Variants in BTAF1 observed in about 807,000 individuals in gnomAD.
BTAF1 encodes the protein TATA-binding protein-associated factor 172.
Under a neutral mutation model 227.1 loss-of-function variants are expected in BTAF1, and 38 were observed. That is an observed-to-expected ratio of 0.17 (90% CI 0.13 to 0.22). The LOEUF (loss-of-function observed/expected upper bound fraction) is 0.22, where lower values mean the gene tolerates loss of function less well. Ranked by LOEUF, BTAF1 falls within the 10% of genes least tolerant of loss-of-function variation. BTAF1 has a pLI of 1.00. For missense variants in BTAF1, 1,598 were observed against 2,204.0 expected (o/e 0.73, Z 5.51); for synonymous variants, 742 against 751.9 (o/e 0.99, Z 0.21).
intron 13 of BTAF1, among the ~76,000 whole-genome samples, chr10:91,965,367 T>G (rs1289734149): frequency 6.6e-6 from 1 of 152,180 alleles, no homozygotes; most frequent in African/African-American, 2.4e-5. Context: ...CCAGTCTGTC[T>G]GTCAAAACTA....
chr10:91,961,136 A>G (rs1273148270), intron 11 of BTAF1, among the ~76,000 whole-genome samples: 1 of 152,158 alleles, frequency 6.6e-6, no homozygotes, highest in Non-Finnish European at 1.5e-5. Flanking sequence ...CTCTGAACAT[A>G]ATGGGTCAGC....
At chr10:91,960,515 A>C (rs1378354238) in intron 11 of BTAF1, among the ~76,000 whole-genome samples, 1 of 152,072 alleles carries the variant, frequency 6.6e-6, no homozygotes, top group Non-Finnish European at 1.5e-5. Flanking sequence ...TGCAGTATAC[A>C]TACAGGAGTA....
intron 34 of BTAF1, among the ~76,000 whole-genome samples, chr10:92,023,821 A>C (rs1851304954): frequency 6.6e-6 from 1 of 152,124 alleles, no homozygotes; most frequent in South Asian, 2.1e-4. Context: ...TTTAGTAGAG[A>C]CAGGATTTCG....
At chr10:91,948,761 T>C (rs957340965) in intron 4 of BTAF1, among the ~76,000 whole-genome samples, 5 of 151,560 alleles carry the variant, frequency 3.3e-5, no homozygotes, top group African/African-American at 1.2e-4. Flanking sequence ...CTTTTTAAAG[T>C]GTACAATTCT....
chr10:91,978,822 T>G (rs1847875898), intron 14 of BTAF1, among the ~76,000 whole-genome samples: 3 of 149,890 alleles, frequency 2.0e-5, no homozygotes, highest in South Asian at 2.2e-4. Context: ...TTGTTTTTTT[T>G]TTTTTTTTTT....
At chr10:91,993,138 T>A (rs1848912484) in intron 21 of BTAF1, among the ~76,000 whole-genome samples, 1 of 152,202 alleles carries the variant, frequency 6.6e-6, no homozygotes, top group African/African-American at 2.4e-5. Flanking sequence ...GTAATAAAAA[T>A]TTTACTGTGA....
chr10:91,928,482 C>T (rs1564650672), intron 1 of BTAF1, among the ~76,000 whole-genome samples: 3 of 152,228 alleles, frequency 2.0e-5, no homozygotes, highest in South Asian at 2.1e-4. Flanking sequence ...CCTTAAGATG[C>T]GGATGCCGGA....
rs1851821908 is a variant in BTAF1, at chr10:92,030,450, A to ATATT, written c.*1519_*1522dup. The ATATT allele has an allele frequency of 1.3e-5, 2 of 152,154 alleles. No individual in the cohort carries two copies. Among genetic ancestry groups the ATATT allele is most frequent in the African/African-American group, 2.4e-5 (1 of 41,444 alleles). The allele number at this position is 152,154 out of a possible 1,614,324, so 9.4% of individuals were successfully genotyped here. A position where few individuals can be genotyped will look rare whatever the true frequency, so the allele number is the denominator to read the frequency against. On this transcript the variant is annotated 3_prime_UTR_variant, in exon 38 of 38. Coordinates refer to ENST00000265990, the MANE Select transcript of BTAF1 (RefSeq NM_003972.3). ...AAAACTTTATGTAGAACATTTCAGT[A>ATATT]TATTTGAGTTGAATATTTTTTTATT...
At chr10:91,950,707 G>C (rs547446099) in intron 4 of BTAF1, among the ~76,000 whole-genome samples, 1 of 152,210 alleles carries the variant, frequency 6.6e-6, no homozygotes, top group Admixed American at 6.5e-5. Flanking sequence ...CTTGGAGTAA[G>C]CATTTGTTTG....
At chr10:91,975,640 C>T (rs1309307143) in intron 14 of BTAF1, among the ~76,000 whole-genome samples, 1 of 152,226 alleles carries the variant, frequency 6.6e-6, no homozygotes, top group African/African-American at 2.4e-5. Context: ...TTCTTCCCTG[C>T]AGTCTGAGAG....
At chr10:91,971,628 C>T (rs374348244) in intron 14 of BTAF1, among the ~76,000 whole-genome samples, 1 of 151,898 alleles carries the variant, frequency 6.6e-6, no homozygotes, top group African/African-American at 2.4e-5. Context: ...TGCGCCACCA[C>T]GCCTGACTAA....
At chr10:91,995,732 A>G (rs1347677004) in intron 23 of BTAF1, among the ~76,000 whole-genome samples, 2 of 152,130 alleles carry the variant, frequency 1.3e-5, no homozygotes, top group African/African-American at 4.8e-5. Flanking sequence ...CTTAATCTTC[A>G]TAATTAGCAA....
In BTAF1 at chr10:91,959,067, T is replaced by C; in HGVS notation, c.903T>C (p.Val301=). The change falls in exon 9 of 38, where the codon GTT becomes GTC. Residue 301 remains valine, a splice_region_variant and synonymous_variant. Transcript: ENST00000265990. ...CNDLFNPSWE[V]RHGAGTGLRE... is the part of the protein sequence containing the mutation. ...ATTTGCTTCTTTGTTCTTTTCAGGT[T>C]CGACATGGTGCAGGCACTGGACTTA... 6.2e-7 allele frequency: 1 copy of C among 1,613,486 alleles called. No individual in the cohort carries two copies. Among genetic ancestry groups the C allele is most frequent in the Non-Finnish European group, 8.5e-7 (1 of 1,179,766 alleles).
chr10:91,988,044 T>G (rs1439455669), intron 19 of BTAF1, among the ~76,000 whole-genome samples: 1 of 152,208 alleles, frequency 6.6e-6, no homozygotes, highest in African/African-American at 2.4e-5. Context: ...AATCCCTGAT[T>G]GGCCTGTTCT....
At chr10:91,926,400 G>A (rs1263755832) in intron 1 of BTAF1, among the ~76,000 whole-genome samples, 1 of 151,994 alleles carries the variant, frequency 6.6e-6, no homozygotes, top group African/African-American at 2.4e-5. Context: ...CAATTGTCTG[G>A]TCAAGAAATT....
intron 25 of BTAF1, among the ~76,000 whole-genome samples, chr10:92,000,161 C>A (rs942683027): frequency 6.6e-6 from 1 of 152,180 alleles, no homozygotes; most frequent in African/African-American, 2.4e-5. Context: ...ACCACAGTAT[C>A]AAAATACCTA....
intron 13 of BTAF1, among the ~76,000 whole-genome samples, chr10:91,966,135 G>C (rs545249988): frequency 1.3e-5 from 2 of 152,264 alleles, no homozygotes; most frequent in Non-Finnish European, 2.9e-5. Flanking sequence ...TGCTACACCA[G>C]GATAATAAAT....
intron 18 of BTAF1, 138 bp from the exon 19 acceptor site, chr10:91,984,060 TAAC>T: frequency 2.8e-6 from 2 of 723,084 alleles, no homozygotes; most frequent in Non-Finnish European, 4.4e-6. Flanking sequence ...TCTGTGCAAT[TAAC>T]TGTTGTTTGG....
At chr10:91,978,325 C>CA (rs1419757360) in intron 14 of BTAF1, among the ~76,000 whole-genome samples, 1 of 152,074 alleles carries the variant, frequency 6.6e-6, no homozygotes, top group African/African-American at 2.4e-5. Context: ...TGGGGACCTA[C>CA]AGGCAACTGC....
Sources: allele counts gnomAD v4.1 joint callset (sites outside exome capture counted in the v4.1 genomes callset), GRCh38; gene constraint gnomAD v4.1.1; transcripts MANE v1.5; gene names NCBI Gene and HGNC (gene_info 2026-07-23, HGNC 2026-07-21).